The following PODXL variants were observed in gnomAD, a reference collection of about 807,000 sequenced individuals.
PODXL encodes podocalyxin.
PODXL carries 20 observed loss-of-function variants against 48.9 expected under a neutral mutation model. That is an observed-to-expected ratio of 0.41 (90% CI 0.29 to 0.59). PODXL has a LOEUF of 0.59. Among genes scored for constraint, PODXL ranks in the 20% least tolerant of loss-of-function variants. The probability of loss-of-function intolerance (pLI) is 0.31; values close to 1 mark genes in which losing one functional copy is unlikely to be tolerated. For synonymous variants in PODXL, 295 were observed against 287.4 expected (o/e 1.03, Z -0.27); for missense variants, 606 against 675.1 (o/e 0.90, Z 1.13).
chr7:131,523,800 T>A lies in PODXL; in HGVS notation c.101-12367A>T, dbSNP rs554940349. ...ATTTGCAGAAAAATCATCTAACAAA[T>A]TTTTTTTTTTTTGAGATGGAGACAG... On this transcript the variant is annotated intron_variant, in intron 1 of 8. Transcript: ENST00000378555. 1.2e-4 allele frequency among the ~76,000 whole-genome samples: 12 copies of A among 101,284 alleles called. 1 individual carries two copies. The South Asian group carries it at 3.2e-3, about 27-fold the overall frequency. The allele number at this position is 101,284 out of a possible 152,430, so 66.4% of individuals were successfully genotyped here. A position where few individuals can be genotyped will look rare whatever the true frequency, so the allele number is the denominator to read the frequency against.
At chr7:131,523,766 TA>T (rs1237005092) in intron 1 of PODXL, among the ~76,000 whole-genome samples, 1 of 151,084 alleles carries the variant, frequency 6.6e-6, no homozygotes, top group East Asian at 1.9e-4. Flanking sequence ...CATACAAGAT[TA>T]TTTTTATATT....
chr7:131,548,173 G>A (rs1362028311), intron 1 of PODXL, among the ~76,000 whole-genome samples: 2 of 152,354 alleles, frequency 1.3e-5, no homozygotes, highest in African/African-American at 4.8e-5. Flanking sequence ...GGCTTCCTGA[G>A]AGCTGTGTTT....
intron 1 of PODXL, among the ~76,000 whole-genome samples, chr7:131,515,228 A>T (rs1797972887): frequency 6.6e-6 from 1 of 152,154 alleles, no homozygotes; most frequent in Non-Finnish European, 1.5e-5. Context: ...CTATAAAAGC[A>T]CAGACTGAAA....
chr7:131,520,590 C>T (rs1036308819), intron 1 of PODXL: 4 of 165,290 alleles, frequency 2.4e-5, no homozygotes, highest in African/African-American at 9.6e-5. Context: ...GTACTTTTTT[C>T]ATAAAGAAAC....
At chr7:131,538,388 T>C (rs1277915340) in intron 1 of PODXL, among the ~76,000 whole-genome samples, 1 of 152,096 alleles carries the variant, frequency 6.6e-6, no homozygotes, top group Non-Finnish European at 1.5e-5. Context: ...TGGGGCTCAG[T>C]TTCCTCATAA....
At chr7:131,514,497 A>C (rs1401279646) in intron 1 of PODXL, among the ~76,000 whole-genome samples, 1 of 152,014 alleles carries the variant, frequency 6.6e-6, no homozygotes, top group South Asian at 2.1e-4. Flanking sequence ...ATAAAGTAAC[A>C]GTGCTTCTTA....
chr7:131,532,455 A>AT (rs1395811132), intron 1 of PODXL, among the ~76,000 whole-genome samples: 10 of 149,468 alleles, frequency 6.7e-5, no homozygotes, highest in Middle Eastern at 3.5e-3. Flanking sequence ...AAAAAAATTA[A>AT]AAATAAATAA....
Position 131,510,851 on chromosome 7 carries a change from C to G in PODXL, c.683G>C (p.Ser228Thr). 1 of 1,614,118 alleles carries G rather than the reference C, an allele frequency of 6.2e-7. No individual in the cohort carries two copies. Among genetic ancestry groups the G allele is most frequent in the Non-Finnish European group, 8.5e-7 (1 of 1,180,006 alleles). Residue 228 changes from serine (S) to threonine (T), a missense_variant, in exon 2 of 9, where the codon AGC becomes ACC. Ser to Thr is a moderately conservative substitution (Grantham distance 58). Coordinates refer to ENST00000378555, the MANE Select transcript of PODXL (RefSeq NM_001018111.3). Reference protein sequence around the residue: ...TVAIPGYTFTSPGMTTTLLET... With the variant: ...TVAIPGYTFTTPGMTTTLLET... ...ACGTAGGGTGGTGGTCATCCCCGGG[C>G]TTGTGAAGGTGTAGCCAGGGATAGC...
intron 1 of PODXL, among the ~76,000 whole-genome samples, chr7:131,525,867 G>A (rs1798177055): frequency 6.6e-6 from 1 of 152,202 alleles, no homozygotes; most frequent in Admixed American, 6.5e-5. Context: ...TTACAAATAA[G>A]TAAACGGGTG....
In PODXL at chr7:131,504,293, G is replaced by A. The variant is rs768844632; in HGVS notation, c.*18C>T. On this transcript the variant is annotated 3_prime_UTR_variant, in exon 9 of 9. Transcript: ENST00000378555. ...TCTGGAGCTCTGTGGTGCTGCTGGA[G>A]GCCACCGGCAGACCGGACTAGAGGT... is the stretch of plus-strand genomic sequence containing the variant. 2.5e-6 allele frequency: 4 copies of A among 1,610,726 alleles called. No homozygotes were observed. In the African/African-American group the frequency reaches 5.3e-5, roughly 22 times the overall value.
At chr7:131,507,642 T>C (rs1400785542) in intron 5 of PODXL, among the ~76,000 whole-genome samples, 1 of 150,490 alleles carries the variant, frequency 6.6e-6, no homozygotes, top group Non-Finnish European at 1.5e-5. Context: ...GGATCCAGGG[T>C]TTTCCATCTT....
At chr7:131,511,921 T>C (rs1797920295) in intron 1 of PODXL, among the ~76,000 whole-genome samples, 1 of 152,134 alleles carries the variant, frequency 6.6e-6, no homozygotes, top group South Asian at 2.1e-4. Context: ...CTCAATATGC[T>C]ACCCCAGAAC....
chr7:131,549,789 C>T (rs547362176), intron 1 of PODXL, among the ~76,000 whole-genome samples: 2 of 152,222 alleles, frequency 1.3e-5, no homozygotes, highest in African/African-American at 2.4e-5. Flanking sequence ...AATTGGTGGA[C>T]GAGGTGCCAC....
Position 131,556,351 on chromosome 7 carries a change from G to T in PODXL, c.9C>A (p.Cys3Ter). 1 of 1,440,868 alleles carries T rather than the reference G, an allele frequency of 6.9e-7. No individual in the cohort carries two copies. The highest frequency in any genetic ancestry group is 9.1e-7 in the Non-Finnish European group (1 of 1,097,636). The allele number at this position is 1,440,868 out of a possible 1,614,324, so 89.3% of individuals were successfully genotyped here. Residue 3 changes from cysteine to a stop codon, truncating the protein, a stop_gained, in exon 1 of 9, where the codon TGC becomes TGA. Transcript: ENST00000378555. LOFTEE classifies it high-confidence loss of function. Reference sequence around the variant, plus strand: ...GCAGCAGCGCCGAGAGCGCCAGCGCGCAGCGCATCGTGTCGTCGCCTCTGG... The same window carrying T: ...GCAGCAGCGCCGAGAGCGCCAGCGCTCAGCGCATCGTGTCGTCGCCTCTGG... MR[C>*]ALALSALLLL...
chr7:131,501,105 A>T lies in PODXL; in HGVS notation c.*3206T>A, dbSNP rs1288314038. 6.6e-6 allele frequency: 1 copy of T among 152,380 alleles called. No individual in the cohort carries two copies. The highest frequency in any genetic ancestry group is 1.9e-4 in the East Asian group (1 of 5,196). 9.4% of individuals were successfully genotyped at this position (152,380 alleles called of 1,614,324 possible). Reference sequence around the variant, plus strand: ...GGGGGCAGGGTTGCATTTTAAAATTAAAAAAACAAAACAAAACACCTGATC... The same window carrying T: ...GGGGGCAGGGTTGCATTTTAAAATTTAAAAAACAAAACAAAACACCTGATC... On this transcript the variant is annotated 3_prime_UTR_variant, in exon 9 of 9. Transcript: ENST00000378555.
intron 8 of PODXL, 143 bp from the exon 9 acceptor site, chr7:131,504,651 C>G: frequency 1.5e-6 from 1 of 685,140 alleles, no homozygotes; most frequent in South Asian, 1.8e-5. Flanking sequence ...CTGGCTGCTC[C>G]TGGTGGTCAT....
chr7:131,541,648 G>A lies in PODXL; in HGVS notation c.100+14612C>T, dbSNP rs911986970. ...GCAGTGAGCCACTGCACTCCAGCCT[G>A]GGCAACAGAGCGAGACTCCGTCTCA... On this transcript the variant is annotated intron_variant, in intron 1 of 8. Transcript: ENST00000378555. Among the ~76,000 whole-genome samples the A allele has an allele frequency of 1.5e-4, 22 of 151,106 alleles. 1 individual carries two copies. The highest frequency in any genetic ancestry group is 1.5e-5 in the Non-Finnish European group (1 of 67,850).
rs996207567 is a variant in PODXL at position 131,503,054 on chromosome 7, T to C, written c.*1257A>G. 6.6e-6 allele frequency: 1 copy of C among 152,080 alleles called. No individual in the cohort carries two copies. Among genetic ancestry groups the C allele is most frequent in the African/African-American group, 2.4e-5 (1 of 41,260 alleles). 9.4% of individuals were successfully genotyped at this position (152,080 alleles called of 1,614,324 possible). A position where few individuals can be genotyped will look rare whatever the true frequency, so the allele number is the denominator to read the frequency against. On this transcript the variant is annotated 3_prime_UTR_variant, in exon 9 of 9. Transcript: ENST00000378555. ...TGTGGCACAGGAGAATCAGAGTGAG[T>C]GAGATGAGCTAACTGGACGTCTGCC... is the stretch of plus-strand genomic sequence containing the variant.
chr7:131,528,819 G>A (rs777974375), intron 1 of PODXL, among the ~76,000 whole-genome samples: 43 of 152,182 alleles, frequency 2.8e-4, no homozygotes, highest in Admixed American at 4.6e-4. Context: ...GTAACGCAAG[G>A]ATTCTAATGG....
Sources: allele counts gnomAD v4.1 joint callset (sites outside exome capture counted in the v4.1 genomes callset), GRCh38; gene constraint gnomAD v4.1.1; transcripts MANE v1.5; gene names NCBI Gene and HGNC (gene_info 2026-07-23, HGNC 2026-07-21).